The following HDAC1 variants were observed in gnomAD, a reference collection of about 807,000 sequenced individuals.
HDAC1 encodes protein deacetylase HDAC1.
A neutral mutation model predicts 65.5 loss-of-function variants in HDAC1; 18 were observed. The ratio of observed to expected loss-of-function variants is 0.27; its 90% CI spans 0.19 to 0.41. The LOEUF (loss-of-function observed/expected upper bound fraction) is 0.41, where lower values mean the gene tolerates loss of function less well. HDAC1 is among the 10% of genes least tolerant of loss of function. The pLI is 1.00. For synonymous variants in HDAC1, 211 were observed against 227.9 expected (o/e 0.93, Z 0.67); for missense variants, 373 against 625.2 (o/e 0.60, Z 4.30).
chr1:32,294,846 AG>A (rs2124394142), intron 1 of HDAC1, among the ~76,000 whole-genome samples: 1 of 144,360 alleles, frequency 6.9e-6, no homozygotes, highest in East Asian at 2.0e-4. Context: ...AAACTTCTAG[AG>A]ATGGGGTCTC....
intron 2 of HDAC1, among the ~76,000 whole-genome samples, chr1:32,310,733 C>G (rs529478394): frequency 6.6e-6 from 1 of 151,816 alleles, no homozygotes; most frequent in South Asian, 2.1e-4. Context: ...GCCTGTAATC[C>G]CAGCTACTCG....
In HDAC1 at chr1:32,329,915, C is replaced by T. The variant is rs1464225404; in HGVS notation, c.730-663C>T. 1 of 157,274 alleles carries T rather than the reference C, an allele frequency of 6.4e-6. No homozygotes were observed. The highest frequency in any genetic ancestry group is 2.4e-5 in the African/African-American group (1 of 41,444). 9.7% of individuals were successfully genotyped at this position (157,274 alleles called of 1,614,324 possible). On this transcript the variant is annotated intron_variant, in intron 7 of 13. Transcript: ENST00000373548. This position sits in a 1 kb window ranked among gnomAD's most constrained non-coding sequence, Gnocchi z 4.1. ...AAGTGCAGAGGTGCCAGTGTGGCAG[C>T]ATGTAGGCCAGTGTGGTGTATGGGA...
Position 32,333,026 on chromosome 1 carries a change from G to A in HDAC1, c.1431G>A (p.Glu477=), listed in dbSNP as rs1641319932. The A allele has an allele frequency of 1.2e-6, 2 of 1,613,864 alleles. No homozygotes were observed. The highest frequency in any genetic ancestry group is 1.7e-6 in the Non-Finnish European group (2 of 1,179,878). Residue 477 remains glutamate, a synonymous_variant, in exon 14 of 14, where the codon GAG becomes GAA. Coordinates refer to ENST00000373548, the MANE Select transcript of HDAC1 (RefSeq NM_004964.3). ...EEKPEAKGVK[E]EVKLA is the part of the protein sequence containing the mutation. ...TCTGCTCTCTCCACAGGGTCAAGGA[G>A]GAGGTCAAGTTGGCCTGAATGGACC...
rs1225848278 is a variant in HDAC1, at chr1:32,326,963, A to G, written c.380A>G (p.Gln127Arg). 2 of 1,614,126 alleles carry G rather than the reference A, an allele frequency of 1.2e-6. No homozygotes were observed. The highest frequency in any genetic ancestry group is 4.5e-5 in the East Asian group (2 of 44,876). The stretch of plus-strand genomic sequence containing the variant: ...GCAAGTGCTGTGAAACTTAATAAGC[A>G]GCAGACGGACATCGCTGTGAATTGG... ...SVASAVKLNK[Q>R]QTDIAVNWAG... Residue 127 changes from glutamine (Q) to arginine (R), a missense_variant, in exon 5 of 14, where the codon CAG (glutamine) becomes CGG (arginine). Coordinates refer to ENST00000373548, the MANE Select transcript of HDAC1 (RefSeq NM_004964.3).
chr1:32,293,632 G>A (rs1260017286), intron 1 of HDAC1, among the ~76,000 whole-genome samples: 16 of 151,946 alleles, frequency 1.1e-4, no homozygotes, highest in Non-Finnish European at 1.9e-4. Flanking sequence ...GGCTGGGCAC[G>A]GTGGCTCACG....
At chr1:32,292,650 C>T (rs532845311) in intron 1 of HDAC1, among the ~76,000 whole-genome samples, 1 of 152,154 alleles carries the variant, frequency 6.6e-6, no homozygotes, top group Non-Finnish European at 1.5e-5. Context: ...GCCCGCCTCC[C>T]CTCCCCCAGC....
intron 1 of HDAC1, among the ~76,000 whole-genome samples, chr1:32,295,923 C>G (rs1403134813): frequency 6.6e-6 from 1 of 152,094 alleles, no homozygotes; most frequent in Non-Finnish European, 1.5e-5. Flanking sequence ...TAAATTTAGT[C>G]ATAAAGGATG....
Position 32,331,003 on chromosome 1 carries a change from C to A in HDAC1, c.979+95C>A. Reference sequence around the variant, plus strand: ...ACCCCTTCCCCGTTGGTCATATGACCGCTCCTCTTCTGATACTAGTCACTG... The same window carrying A: ...ACCCCTTCCCCGTTGGTCATATGACAGCTCCTCTTCTGATACTAGTCACTG... On this transcript the variant is annotated intron_variant, in intron 9 of 13. Coordinates refer to ENST00000373548, the MANE Select transcript of HDAC1 (RefSeq NM_004964.3). The surrounding 1 kb of genome is among the most constrained non-coding windows in gnomAD (Gnocchi z 4.2). 9.0e-7 allele frequency: 1 copy of A among 1,113,904 alleles called. No homozygotes were observed. The highest frequency in any genetic ancestry group is 1.3e-6 in the Non-Finnish European group (1 of 749,312). 69.0% of individuals were successfully genotyped at this position (1,113,904 alleles called of 1,614,324 possible).
intron 3 of HDAC1, among the ~76,000 whole-genome samples, chr1:32,318,805 A>T (rs114253679): frequency 6.6e-6 from 1 of 152,182 alleles, no homozygotes; most frequent in Non-Finnish European, 1.5e-5. Flanking sequence ...CGAATCCAGC[A>T]TTCTAAAGTT....
chr1:32,313,380 C>A lies in HDAC1; in HGVS notation c.163-3285C>A, dbSNP rs763400021. Among the ~76,000 whole-genome samples, 56 of 152,254 alleles carry A rather than the reference C, an allele frequency of 3.7e-4. 1 individual carries two copies. Among genetic ancestry groups the A allele is most frequent in the Admixed American group, 5.2e-4 (8 of 15,270 alleles). On this transcript the variant is annotated intron_variant, in intron 2 of 13. Coordinates refer to ENST00000373548, the MANE Select transcript of HDAC1 (RefSeq NM_004964.3). ...AAAGTGCTGGGATTACAGGTGTGAG[C>A]CACTGCGCCTGGCCCCGATAATTAT... is the stretch of plus-strand genomic sequence containing the variant.
chr1:32,297,631 G>T (rs989770231), intron 1 of HDAC1, among the ~76,000 whole-genome samples: 2 of 152,114 alleles, frequency 1.3e-5, no homozygotes, highest in African/African-American at 4.8e-5. Flanking sequence ...TTGCGGGGGG[G>T]ACGGAGTCTT....
chr1:32,292,618 GA>G (rs758329690), intron 1 of HDAC1, among the ~76,000 whole-genome samples: 4 of 152,020 alleles, frequency 2.6e-5, no homozygotes, highest in Non-Finnish European at 5.9e-5. Context: ...TTTTCTGGGG[GA>G]AGAGTCCTGC....
intron 13 of HDAC1, 118 bp from the exon 14 acceptor site, chr1:32,332,899 A>G (rs1641316647): frequency 6.6e-6 from 8 of 1,218,116 alleles, no homozygotes; most frequent in Non-Finnish European, 9.5e-6. Context: ...AGTTCTAGGC[A>G]GAGCTAGGAG....
chr1:32,316,890 A>G, intron 3 of HDAC1, 108 bp downstream of exon 3: 2 of 731,802 alleles, frequency 2.7e-6, no homozygotes, highest in South Asian at 3.2e-5. Context: ...TGGACACCTG[A>G]TTTCCCCTAC....
At chr1:32,320,064 C>CA (rs1641119177) in intron 3 of HDAC1, among the ~76,000 whole-genome samples, 1 of 151,820 alleles carries the variant, frequency 6.6e-6, no homozygotes, top group South Asian at 2.1e-4. Flanking sequence ...TAAAAATTTA[C>CA]AAAAAATTAG....
Position 32,330,308 on chromosome 1 carries a change from A to G in HDAC1, c.730-270A>G. 1 of 419,740 alleles carries G rather than the reference A, an allele frequency of 2.4e-6. No homozygotes were observed. 26.0% of individuals were successfully genotyped at this position (419,740 alleles called of 1,614,324 possible). ...GAAGTGGCACTAGAGCTTGGGCAAC[A>G]GAAGAGACTTAGGGAGTTGAGAGGG... On this transcript the variant is annotated intron_variant, in intron 7 of 13. Transcript: ENST00000373548. This position sits in a 1 kb window ranked among gnomAD's most constrained non-coding sequence, Gnocchi z 4.2.
chr1:32,300,832 G>C (rs890346929), intron 1 of HDAC1, among the ~76,000 whole-genome samples: 1 of 152,200 alleles, frequency 6.6e-6, no homozygotes, highest in Non-Finnish European at 1.5e-5. Flanking sequence ...TATAGGGCCA[G>C]ATAGTAAATA....
chr1:32,320,072 T>C (rs1310353000), intron 3 of HDAC1, among the ~76,000 whole-genome samples: 2 of 151,836 alleles, frequency 1.3e-5, no homozygotes, highest in Non-Finnish European at 2.9e-5. Flanking sequence ...TACAAAAAAT[T>C]AGCCGGACGT....
chr1:32,329,447 T>C lies in HDAC1; in HGVS notation c.729+287T>C, dbSNP rs114674935. On this transcript the variant is annotated intron_variant, in intron 7 of 13. Transcript: ENST00000373548. This position sits in a 1 kb window ranked among gnomAD's most constrained non-coding sequence, Gnocchi z 4.1. ...AGGCAGGCACATACCCAGTAGTCTA[T>C]GATTAGTACTGTTTTTGTATCTCCA... The C allele has an allele frequency of 1.3e-3, 703 of 526,094 alleles. 6 individuals carry two copies. Among genetic ancestry groups the C allele is most frequent in the African/African-American group, 0.012 (617 of 52,766 alleles). 32.6% of individuals were successfully genotyped at this position (526,094 alleles called of 1,614,324 possible).
Sources: gnomAD v4.1 joint callset for allele counts (sites outside exome capture counted in the v4.1 genomes callset) on GRCh38, gnomAD v4.1.1 for gene constraint, Gnocchi (gnomAD v3.1) non-coding constraint, MANE v1.5 for transcripts, NCBI Gene and HGNC (gene_info 2026-07-23, HGNC 2026-07-21) for gene names.